Variants in COL4A1 observed in about 807,000 individuals in gnomAD.
The protein encoded by COL4A1 is collagen alpha-1(IV) chain.
Under a neutral mutation model 216.6 loss-of-function variants are expected in COL4A1, and 40 were observed. That is an observed-to-expected ratio of 0.18 (90% confidence interval 0.14 to 0.24). COL4A1 has a LOEUF of 0.24. Ranked by LOEUF, COL4A1 falls within the 10% of genes least tolerant of loss-of-function variation. The pLI is 1.00. For missense variants in COL4A1, 1,628 were observed against 2,196.8 expected (o/e 0.74, Z 5.18); for synonymous variants, 839 against 810.7 (o/e 1.03, Z -0.59).
intron 48 of COL4A1, chr13:110,161,906 T>C: frequency 2.5e-6 from 1 of 405,204 alleles, no homozygotes; most frequent in South Asian, 2.6e-5. Context: ...TCAATGCAAA[T>C]TGTTAAGTGC....
At position 110,207,751 on chromosome 13, in the gene COL4A1, C is replaced by A. The variant is rs1049301652; in HGVS notation, c.694-262G>T. Among the ~76,000 whole-genome samples the A allele has an allele frequency of 4.6e-5, 7 of 152,110 alleles. No homozygotes were observed. Among genetic ancestry groups the A allele is most frequent in the African/African-American group, 1.7e-4 (7 of 41,414 alleles). ...CAGGAATAACCATGGAATCTGAACA[C>A]CTGCAAGACACCTCCGGACTTGCGT... On this transcript the variant is annotated intron_variant, in intron 12 of 51. Coordinates refer to ENST00000375820, the MANE Select transcript of COL4A1 (RefSeq NM_001845.6). The surrounding 1 kb of genome is among the most constrained non-coding windows in gnomAD (Gnocchi z 4.4).
chr13:110,291,998 C>T (rs1884108568), intron 1 of COL4A1, among the ~76,000 whole-genome samples: 2 of 152,190 alleles, frequency 1.3e-5, no homozygotes, highest in Admixed American at 6.5e-5. Context: ...ACATGTCTTT[C>T]GAGAGATTCA....
At chr13:110,228,593 T>C (rs1400084379) in intron 2 of COL4A1, among the ~76,000 whole-genome samples, 3 of 152,134 alleles carry the variant, frequency 2.0e-5, no homozygotes, top group African/African-American at 7.2e-5. Flanking sequence ...ACGATATAAC[T>C]TCCTAAAGGC....
At chr13:110,266,797 A>T (rs622253) in intron 1 of COL4A1, among the ~76,000 whole-genome samples, 124,104 of 152,128 alleles carry the variant, frequency 0.82, 50,732 homozygotes, top group East Asian at 0.99. Context: ...ACAGCAAAAA[A>T]CAAGAGTAAT....
At position 110,177,846 on chromosome 13, in the gene COL4A1, T is replaced by C. The variant is rs1255164574; in HGVS notation, c.2712A>G (p.Glu904=). 2 of 1,613,970 alleles carry C rather than the reference T, an allele frequency of 1.2e-6. No individual in the cohort carries two copies. The highest frequency in any genetic ancestry group is 2.2e-5 in the East Asian group (1 of 44,880). ...GPVGAPGLPG[E]KGDHGFPGSS... is the part of the protein sequence containing the mutation. ...TAGGGTTATCAGCTCCCCTACCTTT[T>C]TCACCCGGTAATCCAGGAGCACCCA... The change falls in exon 33 of 52, where the codon GAA becomes GAG. Residue 904 remains glutamate, a synonymous_variant. Transcript: ENST00000375820.
Position 110,201,397 on chromosome 13 carries a change from A to G in COL4A1, c.1084+41T>C, listed in dbSNP as rs774768151. 56 of 1,234,824 alleles carry G rather than the reference A, an allele frequency of 4.5e-5. No homozygotes were observed. In the African/African-American group the frequency reaches 1.2e-3, roughly 25 times the overall value. 76.5% of individuals were successfully genotyped at this position (1,234,824 alleles called of 1,614,324 possible). On this transcript the variant is annotated intron_variant, in intron 19 of 51. Transcript: ENST00000375820. ...GGAGGAAGAGGAGGAGGAGAGAAGG[A>G]GGGGGAGTAGGAGGAGGGGGGAAAA...
At chr13:110,159,448 AAAC>A (rs1441717209) in intron 49 of COL4A1, among the ~76,000 whole-genome samples, 2 of 152,216 alleles carry the variant, frequency 1.3e-5, no homozygotes, top group Non-Finnish European at 2.9e-5. Flanking sequence ...AAAACGCAGA[AAAC>A]AACGCATGCT....
At chr13:110,156,721 C>T (rs1193985954) in intron 49 of COL4A1, among the ~76,000 whole-genome samples, 1 of 152,144 alleles carries the variant, frequency 6.6e-6, no homozygotes, top group Non-Finnish European at 1.5e-5. Context: ...ATTCAAGTCA[C>T]AAAATGAACA....
At chr13:110,174,388 C>A (rs571698354) in intron 39 of COL4A1, 58 bp downstream of exon 39, 1 of 1,592,754 alleles carries the variant, frequency 6.3e-7, no homozygotes, top group African/African-American at 1.3e-5. Flanking sequence ...TGGGGCCTCC[C>A]ATCCCCTGGC....
At chr13:110,161,606 G>A (rs1014284123) in intron 48 of COL4A1, among the ~76,000 whole-genome samples, 2 of 152,238 alleles carry the variant, frequency 1.3e-5, no homozygotes, top group African/African-American at 2.4e-5. Context: ...CACATGGTTC[G>A]TTATACGATG....
At chr13:110,235,386 C>G (rs1462220595) in intron 2 of COL4A1, among the ~76,000 whole-genome samples, 2 of 152,188 alleles carry the variant, frequency 1.3e-5, no homozygotes, top group East Asian at 1.9e-4. Context: ...CGCAGTGGCT[C>G]ACGCCTGTAA....
At chr13:110,275,571 C>T (rs971218294) in intron 1 of COL4A1, among the ~76,000 whole-genome samples, 8 of 152,220 alleles carry the variant, frequency 5.3e-5, no homozygotes, top group African/African-American at 1.9e-4. Context: ...GAGCTGAAAA[C>T]TTATGTCCAC....
At chr13:110,227,918 G>T (rs1291075690) in intron 2 of COL4A1, among the ~76,000 whole-genome samples, 1 of 152,234 alleles carries the variant, frequency 6.6e-6, no homozygotes, top group Non-Finnish European at 1.5e-5. Context: ...CTGTGGAGGA[G>T]CTGATCCCAG....
At chr13:110,194,941 T>G in intron 22 of COL4A1, 82 bp downstream of exon 22, 1 of 1,211,792 alleles carries the variant, frequency 8.3e-7, no homozygotes, top group South Asian at 1.2e-5. Context: ...CACCCCCACT[T>G]GGCTCCAAAG....
intron 2 of COL4A1, among the ~76,000 whole-genome samples, chr13:110,241,203 G>T (rs1881552750): frequency 1.3e-5 from 2 of 152,174 alleles, no homozygotes; most frequent in Admixed American, 1.3e-4. Flanking sequence ...GATGCGGATA[G>T]AATAAGAAAG....
chr13:110,251,872 T>C (rs896723321), intron 1 of COL4A1, among the ~76,000 whole-genome samples: 1 of 152,152 alleles, frequency 6.6e-6, no homozygotes, highest in Non-Finnish European at 1.5e-5. Flanking sequence ...GGCACAGTCT[T>C]CTCCGCCTTA....
At chr13:110,225,097 C>A (rs1369137120) in intron 2 of COL4A1, among the ~76,000 whole-genome samples, 1 of 152,036 alleles carries the variant, frequency 6.6e-6, no homozygotes, top group Non-Finnish European at 1.5e-5. Context: ...AGGTGCCCTG[C>A]CAGGGGACAT....
Position 110,279,424 on chromosome 13 carries a change from T to G in COL4A1, c.84+27520A>C, listed in dbSNP as rs150573908. 6.1e-3 allele frequency among the ~76,000 whole-genome samples: 933 copies of G among 152,298 alleles called. 4 individuals carry two copies. Among genetic ancestry groups the G allele is most frequent in the Non-Finnish European group, 9.7e-3 (659 of 68,010 alleles). On this transcript the variant is annotated intron_variant, in intron 1 of 51. Coordinates refer to ENST00000375820, the MANE Select transcript of COL4A1 (RefSeq NM_001845.6). ...CAGGTTGGTTTCATTGTGATATCAT[T>G]TCAATGACTAGTGTTTCCAGGAAGA...
In COL4A1 at chr13:110,175,207, G is replaced by A. The variant is rs1161138121; in HGVS notation, c.3198+11C>T. ...GGAGAAGGGGACCTTTCCACGCAGA[G>A]CGCTGGTTACCTTTTCACCTCGCAG... On this transcript the variant is annotated intron_variant, in intron 37 of 51. Coordinates refer to ENST00000375820, the MANE Select transcript of COL4A1 (RefSeq NM_001845.6). 3.7e-6 allele frequency: 6 copies of A among 1,614,080 alleles called. No individual in the cohort carries two copies. The highest frequency in any genetic ancestry group is 1.6e-4 in the Middle Eastern group (1 of 6,076).
Sources: allele counts gnomAD v4.1 joint callset (sites outside exome capture counted in the v4.1 genomes callset), GRCh38; gene constraint gnomAD v4.1.1; non-coding constraint Gnocchi (gnomAD v3.1); transcripts MANE v1.5; gene names NCBI Gene and HGNC (gene_info 2026-07-23, HGNC 2026-07-21).